Variants in RASGRF2 observed in about 807,000 individuals in gnomAD.
RASGRF2 encodes the protein Ras protein specific guanine nucleotide releasing factor 2, also known as ras-specific guanine nucleotide-releasing factor 2.
Under a neutral mutation model 151.0 loss-of-function variants are expected in RASGRF2, and 76 were observed. That is an observed-to-expected ratio of 0.50 (90% CI 0.42 to 0.61). The LOEUF is 0.61. Among genes scored for constraint, RASGRF2 ranks in the 20% least tolerant of loss-of-function variants. RASGRF2 has a pLI of 0.00. For synonymous variants in RASGRF2, 504 were observed against 566.5 expected (o/e 0.89, Z 1.57); for missense variants, 1,148 against 1,564.6 (o/e 0.73, Z 4.49).
chr5:81,148,605 A>G (rs1754058121), intron 17 of RASGRF2, among the ~76,000 whole-genome samples: 1 of 149,442 alleles, frequency 6.7e-6, no homozygotes, highest in Non-Finnish European at 1.5e-5. Context: ...GAACGCACCA[A>G]CTAGATTTGA....
chr5:81,076,123 ACT>A (rs1283513259), intron 5 of RASGRF2, among the ~76,000 whole-genome samples: 2 of 152,186 alleles, frequency 1.3e-5, no homozygotes, highest in Admixed American at 6.5e-5. Flanking sequence ...TTTAATGGTA[ACT>A]CTGATTAGAG....
intron 1 of RASGRF2, among the ~76,000 whole-genome samples, chr5:81,014,059 TAATC>T (rs1349343335): frequency 1.1e-4 from 16 of 152,198 alleles, no homozygotes; most frequent in African/African-American, 3.9e-4. Flanking sequence ...ATGTGGATAA[TAATC>T]AGTTAACCCT....
intron 1 of RASGRF2, among the ~76,000 whole-genome samples, chr5:81,021,562 G>A (rs1455058781): frequency 4.2e-4 from 23 of 54,862 alleles, no homozygotes; most frequent in South Asian, 5.5e-4. Context: ...GTGCGAGCGT[G>A]TGTGTGTGTG....
Position 81,229,732 on chromosome 5 carries a change from C to G in RASGRF2, c.*3962C>G, listed in dbSNP as rs1561270981. On this transcript the variant is annotated 3_prime_UTR_variant, in exon 27 of 27. Coordinates refer to ENST00000265080, the MANE Select transcript of RASGRF2 (RefSeq NM_006909.3). ...GAGAGCTGGCCTAGGCATCCCGGCC[C>G]TGAGTCCTAGGCCCAGTCTCCAACT... The G allele has an allele frequency of 1.3e-5, 2 of 152,350 alleles. No individual in the cohort carries two copies. The highest frequency in any genetic ancestry group is 3.9e-4 in the East Asian group (2 of 5,192). 9.4% of individuals were successfully genotyped at this position (152,350 alleles called of 1,614,324 possible).
At chr5:81,089,643 T>C (rs890659647) in intron 9 of RASGRF2, among the ~76,000 whole-genome samples, 1 of 152,196 alleles carries the variant, frequency 6.6e-6, no homozygotes, top group African/African-American at 2.4e-5. Flanking sequence ...AATGTGTGAG[T>C]GTCTGAGGCA....
intron 1 of RASGRF2, among the ~76,000 whole-genome samples, chr5:81,042,010 C>CAAGA (rs1244766249): frequency 6.6e-6 from 1 of 152,140 alleles, no homozygotes. Flanking sequence ...TTGTTTTTAT[C>CAAGA]AAGAATTCTT....
intron 1 of RASGRF2, among the ~76,000 whole-genome samples, chr5:80,980,528 G>T (rs1484904543): frequency 1.3e-5 from 2 of 152,158 alleles, no homozygotes; most frequent in Non-Finnish European, 2.9e-5. Context: ...TATAATCCCA[G>T]CTACTCGGGA....
chr5:81,132,453 A>G (rs153233), intron 17 of RASGRF2, among the ~76,000 whole-genome samples: 36,887 of 152,120 alleles, frequency 0.24, 4,935 homozygotes, highest in Middle Eastern at 0.39. Context: ...TCTTCAAGTC[A>G]GCAAGCAGGT....
chr5:81,117,444 T>C (rs755471218), intron 15 of RASGRF2, among the ~76,000 whole-genome samples: 1 of 152,180 alleles, frequency 6.6e-6, no homozygotes, highest in Non-Finnish European at 1.5e-5. Context: ...AGGAACCCAC[T>C]ACTGCAATAA....
At chr5:81,059,750 C>G (rs886783315) in intron 2 of RASGRF2, among the ~76,000 whole-genome samples, 4 of 151,222 alleles carry the variant, frequency 2.6e-5, no homozygotes, top group East Asian at 2.0e-4. Context: ...GAGGCTGAGG[C>G]AGAGAATTGC....
intron 5 of RASGRF2, among the ~76,000 whole-genome samples, chr5:81,077,907 A>T (rs1430601164): frequency 6.6e-6 from 1 of 152,186 alleles, no homozygotes; most frequent in Non-Finnish European, 1.5e-5. Flanking sequence ...GCTTGATCTG[A>T]ATCAGGAAAG....
chr5:81,132,696 A>G (rs1056423620), intron 17 of RASGRF2, among the ~76,000 whole-genome samples: 6 of 152,314 alleles, frequency 3.9e-5, no homozygotes, highest in South Asian at 4.1e-4. Flanking sequence ...TTAAAGCTTC[A>G]TACTGTGTGA....
Position 81,131,001 on chromosome 5 carries a change from C to T in RASGRF2, c.2686+3838C>T, listed in dbSNP as rs543118366. On this transcript the variant is annotated intron_variant, in intron 17 of 26. Transcript: ENST00000265080. ...AATACTCTCCCAGCCCTTCCCTTGA[C>T]CCCATCTCCATCAAAATATATAGGA... Among the ~76,000 whole-genome samples, 10 of 152,284 alleles carry T rather than the reference C, an allele frequency of 6.6e-5. No homozygotes were observed. In the South Asian group the frequency reaches 1.9e-3, roughly 28 times the overall value.
At chr5:81,152,703 A>C (rs1276482455) in intron 17 of RASGRF2, among the ~76,000 whole-genome samples, 2 of 152,234 alleles carry the variant, frequency 1.3e-5, no homozygotes, top group African/African-American at 4.8e-5. Context: ...CCAACCATTT[A>C]TGAACTCCTG....
intron 7 of RASGRF2, among the ~76,000 whole-genome samples, chr5:81,083,558 A>G (rs1275550510): frequency 6.6e-6 from 1 of 152,226 alleles, no homozygotes; most frequent in East Asian, 1.9e-4. Context: ...TGGATGATGC[A>G]GTAAAATTAT....
rs149078476 is a variant in RASGRF2 at position 81,124,564 on chromosome 5, A to G, written c.2596+797A>G. ...TTCATCTAAAATAAGGTCCAGGTAC[A>G]TGGGACCCCAGTCATCATTATTGCT... On this transcript the variant is annotated intron_variant, in intron 16 of 26. Transcript: ENST00000265080. Among the ~76,000 whole-genome samples, 326 of 152,294 alleles carry G rather than the reference A, an allele frequency of 2.1e-3. 1 individual carries two copies. The highest frequency in any genetic ancestry group is 7.4e-3 in the African/African-American group (306 of 41,558).
chr5:81,067,742 T>C (rs1164736085), intron 2 of RASGRF2, among the ~76,000 whole-genome samples: 1 of 152,248 alleles, frequency 6.6e-6, no homozygotes, highest in Non-Finnish European at 1.5e-5. Flanking sequence ...ACTTTCTTTT[T>C]AAAACTATTA....
intron 13 of RASGRF2, 102 bp downstream of exon 13, chr5:81,109,180 G>C: frequency 6.9e-7 from 1 of 1,449,472 alleles, no homozygotes; most frequent in Non-Finnish European, 9.1e-7. Context: ...TCTGCTTCTT[G>C]TTGAGAATAT....
intron 5 of RASGRF2, among the ~76,000 whole-genome samples, chr5:81,079,599 T>C (rs1752029670): frequency 6.6e-6 from 1 of 152,220 alleles, no homozygotes; most frequent in Non-Finnish European, 1.5e-5. Flanking sequence ...CTTATTTTAG[T>C]ATCTCTGTGT....
Sources: gnomAD v4.1 joint callset for allele counts (sites outside exome capture counted in the v4.1 genomes callset) on GRCh38, gnomAD v4.1.1 for gene constraint, MANE v1.5 for transcripts, NCBI Gene and HGNC (gene_info 2026-07-23, HGNC 2026-07-21) for gene names.